Variants in ZFPM2 observed in about 807,000 individuals in gnomAD.
ZFPM2 encodes the protein zinc finger protein ZFPM2.
Under a neutral mutation model 98.6 loss-of-function variants are expected in ZFPM2, and 20 were observed. The ratio of observed to expected loss-of-function variants is 0.20; its 90% CI spans 0.14 to 0.29. The LOEUF (loss-of-function observed/expected upper bound fraction) is 0.29, where lower values mean the gene tolerates loss of function less well. ZFPM2 is among the 10% of genes least tolerant of loss of function. The pLI is 1.00. For synonymous variants in ZFPM2, 518 were observed against 502.7 expected, an observed-to-expected ratio of 1.03 and a Z score of -0.41; for missense variants, 1,310 against 1,388.6, an observed-to-expected ratio of 0.94 and a Z score of 0.90.
chr8:105,719,838 CCAG>C (rs1811615706), intron 5 of ZFPM2, among the ~76,000 whole-genome samples: 1 of 151,868 alleles, frequency 6.6e-6, no homozygotes, highest in African/African-American at 2.4e-5. Flanking sequence ...TTTCTCCATA[CCAG>C]TGGTCTTTTG....
intron 3 of ZFPM2, among the ~76,000 whole-genome samples, chr8:105,536,830 T>C (rs755215098): frequency 9.9e-5 from 15 of 152,134 alleles, no homozygotes; most frequent in Non-Finnish European, 1.9e-4. Context: ...ATGCATCCAA[T>C]AAAATGGGCA....
intron 5 of ZFPM2, among the ~76,000 whole-genome samples, chr8:105,651,626 C>T (rs1380165137): frequency 1.3e-5 from 2 of 152,096 alleles, no homozygotes; most frequent in Non-Finnish European, 2.9e-5. Context: ...CTTCTTTACC[C>T]TGTCCCCATA....
intron 6 of ZFPM2, among the ~76,000 whole-genome samples, chr8:105,789,529 G>A (rs1813533461): frequency 6.6e-6 from 1 of 152,094 alleles, no homozygotes; most frequent in African/African-American, 2.4e-5. Flanking sequence ...ATTGTGAATA[G>A]TGCTGCAATA....
chr8:105,438,411 T>G (rs1396027116), intron 2 of ZFPM2, among the ~76,000 whole-genome samples: 1 of 152,248 alleles, frequency 6.6e-6, no homozygotes, highest in Admixed American at 6.5e-5. Flanking sequence ...AAAGAACACT[T>G]TGTATCACTT....
intron 3 of ZFPM2, among the ~76,000 whole-genome samples, chr8:105,514,478 G>A (rs1479880026): frequency 2.0e-5 from 3 of 152,128 alleles, no homozygotes; most frequent in Non-Finnish European, 4.4e-5. Context: ...CTGTACAGAT[G>A]TCTAGAGTAT....
chr8:105,749,519 G>A (rs1432553189), intron 5 of ZFPM2, among the ~76,000 whole-genome samples: 1 of 152,146 alleles, frequency 6.6e-6, no homozygotes, highest in Non-Finnish European at 1.5e-5. Context: ...AGCCCCTTGC[G>A]TACTTTGCAG....
intron 4 of ZFPM2, among the ~76,000 whole-genome samples, chr8:105,593,765 T>C (rs1429661301): frequency 6.6e-6 from 1 of 152,154 alleles, no homozygotes; most frequent in Non-Finnish European, 1.5e-5. Context: ...GTGTTAGTGC[T>C]TTTCTTGAGT....
intron 4 of ZFPM2, among the ~76,000 whole-genome samples, chr8:105,631,130 A>G (rs1019481669): frequency 1.3e-5 from 2 of 152,202 alleles, no homozygotes; most frequent in African/African-American, 2.4e-5. Context: ...AAGTAAGGGA[A>G]GTACCTAACA....
chr8:105,668,294 C>G (rs1264659840), intron 5 of ZFPM2, among the ~76,000 whole-genome samples: 1 of 152,070 alleles, frequency 6.6e-6, no homozygotes, highest in Non-Finnish European at 1.5e-5. Flanking sequence ...ATGTGCTGGC[C>G]TAATTTTGGA....
chr8:105,791,441 C>T (rs553203148), intron 6 of ZFPM2, among the ~76,000 whole-genome samples: 2 of 152,106 alleles, frequency 1.3e-5, no homozygotes, highest in East Asian at 1.9e-4. Flanking sequence ...GGATGAAGCC[C>T]ACTTGATCAT....
At chr8:105,567,714 T>C (rs1815269509) in intron 4 of ZFPM2, among the ~76,000 whole-genome samples, 1 of 152,158 alleles carries the variant, frequency 6.6e-6, no homozygotes, top group African/African-American at 2.4e-5. Context: ...TAGAATTATT[T>C]AATCTTTATT....
At chr8:105,540,955 C>T (rs1383494399) in intron 3 of ZFPM2, among the ~76,000 whole-genome samples, 1 of 152,086 alleles carries the variant, frequency 6.6e-6, no homozygotes, top group African/African-American at 2.4e-5. Flanking sequence ...TAATTTTCAT[C>T]TCATGCCACT....
intron 5 of ZFPM2, among the ~76,000 whole-genome samples, chr8:105,719,767 C>T (rs548081593): frequency 7.6e-4 from 115 of 151,988 alleles, no homozygotes; most frequent in Non-Finnish European, 1.4e-3. Context: ...TCAATGTCCA[C>T]GACTGCCTAT....
At chr8:105,623,923 A>T (rs920602576) in intron 4 of ZFPM2, among the ~76,000 whole-genome samples, 1 of 152,202 alleles carries the variant, frequency 6.6e-6, no homozygotes, top group African/African-American at 2.4e-5. Context: ...CAATTGGCCA[A>T]TGCAAATAGT....
At chr8:105,361,408 C>T (rs1269417020) in intron 1 of ZFPM2, among the ~76,000 whole-genome samples, 2 of 149,132 alleles carry the variant, frequency 1.3e-5, no homozygotes, top group East Asian at 2.0e-4. Flanking sequence ...AAAATTTTCT[C>T]CCATTTTGTA....
intron 5 of ZFPM2, among the ~76,000 whole-genome samples, chr8:105,634,741 G>A (rs1816816296): frequency 6.6e-6 from 1 of 152,088 alleles, no homozygotes; most frequent in African/African-American, 2.4e-5. Flanking sequence ...TTGTGTCAAG[G>A]TGCATGGTCC....
chr8:105,666,470 G>A (rs1270629323), intron 5 of ZFPM2, among the ~76,000 whole-genome samples: 1 of 152,100 alleles, frequency 6.6e-6, no homozygotes, highest in Non-Finnish European at 1.5e-5. Flanking sequence ...TCCATCTGTT[G>A]CTTTACACCT....
chr8:105,752,129 A>G (rs1386092207), intron 5 of ZFPM2, among the ~76,000 whole-genome samples: 1 of 152,138 alleles, frequency 6.6e-6, no homozygotes, highest in Non-Finnish European at 1.5e-5. Flanking sequence ...AATCATAAAA[A>G]AATGCATTAC....
chr8:105,730,776 CTTTTTTTTTTTTT>C (rs201573898), intron 5 of ZFPM2, among the ~76,000 whole-genome samples: 1 of 124,392 alleles, frequency 8.0e-6, no homozygotes, highest in African/African-American at 3.3e-5. Flanking sequence ...TTTCTTTTTT[CTTTTTTTTTTTTT>C]TTTTTTTTAC....
Sources: gnomAD v4.1 joint callset for allele counts (sites outside exome capture counted in the v4.1 genomes callset) on GRCh38, gnomAD v4.1.1 for gene constraint, MANE v1.5 for transcripts, NCBI Gene and HGNC (gene_info 2026-07-23, HGNC 2026-07-21) for gene names.